The following TAS1R1 variants were observed in gnomAD, a reference collection of about 807,000 sequenced individuals.
The protein encoded by TAS1R1 is taste 1 receptor member 1.
A neutral mutation model predicts 45.8 loss-of-function variants in TAS1R1; 31 were observed. The observed-to-expected ratio is 0.68, with a 90% CI of 0.51 to 0.91. The LOEUF is 0.91. TAS1R1 is among the 40% of genes least tolerant of loss of function. TAS1R1 has a pLI of 0.00. For missense variants in TAS1R1, 1,051 were observed against 1,063.9 expected (o/e 0.99, Z 0.17); for synonymous variants, 437 against 448.4 (o/e 0.97, Z 0.32).
chr1:6,574,777 C>T lies in TAS1R1; in HGVS notation c.645C>T (p.Gly215=), dbSNP rs769586782. 1.1e-5 allele frequency: 17 copies of T among 1,614,156 alleles called. No homozygotes were observed. The highest frequency in any genetic ancestry group is 8.8e-5 in the South Asian group (8 of 91,094). The part of the protein sequence containing the change: ...KFGWTWISLV[G]SSDDYGQLGV... ...GGTGGACCTGGATCTCTCTGGTTGG[C>T]AGCAGTGACGACTATGGGCAGCTAG... Residue 215 remains glycine, a synonymous_variant, in exon 3 of 6, where the codon GGC becomes GGT. Transcript: ENST00000333172. This position sits in a 1 kb window ranked among gnomAD's most constrained non-coding sequence, Gnocchi z 4.3.
At chr1:6,557,739 A>T (rs1344693437) in intron 1 of TAS1R1, among the ~76,000 whole-genome samples, 1 of 152,128 alleles carries the variant, frequency 6.6e-6, no homozygotes, top group Non-Finnish European at 1.5e-5. Context: ...CAGCCATTAC[A>T]AAAAAGTTTT....
chr1:6,565,937 G>A (rs1253031040), intron 1 of TAS1R1, among the ~76,000 whole-genome samples: 1 of 152,158 alleles, frequency 6.6e-6, no homozygotes, highest in East Asian at 1.9e-4. Context: ...ACCCATGCCA[G>A]GGTCATGGCT....
chr1:6,570,022 G>GGA (rs1378331889), intron 1 of TAS1R1, among the ~76,000 whole-genome samples: 23 of 6,320 alleles, frequency 3.6e-3, no homozygotes, highest in East Asian at 0.027. Flanking sequence ...AGGGAGGGAG[G>GGA]GGGAGAGAGA....
chr1:6,566,967 A>T (rs1639883712), intron 1 of TAS1R1, among the ~76,000 whole-genome samples: 1 of 152,138 alleles, frequency 6.6e-6, no homozygotes, highest in African/African-American at 2.4e-5. Context: ...TATTGGGTTA[A>T]CAAGAGAGGT....
rs1553186697 is a variant in TAS1R1, at chr1:6,570,024, G to GAGAGAGA, written c.192-885_192-884insAGAGAGA. On this transcript the variant is annotated intron_variant, in intron 1 of 5. Coordinates refer to ENST00000333172, the MANE Select transcript of TAS1R1 (RefSeq NM_138697.4). ...GGAGGAGAGAGGGAGGGAGGGAGGG[G>GAGAGAGA]GAGAGAGAGAGAGAGAGAGAGAGAG... Among the ~76,000 whole-genome samples, 30 of 32,434 alleles carry GAGAGAGA rather than the reference G, an allele frequency of 9.2e-4. 1 individual carries two copies. Among genetic ancestry groups the GAGAGAGA allele is most frequent in the East Asian group, 5.2e-3 (6 of 1,146 alleles). 21.3% of individuals were successfully genotyped at this position (32,434 alleles called of 152,430 possible).
At chr1:6,571,697 G>C (rs923987753) in intron 2 of TAS1R1, among the ~76,000 whole-genome samples, 16 of 152,188 alleles carry the variant, frequency 1.1e-4, no homozygotes, top group African/African-American at 3.9e-4. Flanking sequence ...GTGTGTGCCT[G>C]TAATCCCAGC....
rs1467913436 is a variant in TAS1R1, at chr1:6,578,568, T to C, written c.1595-85T>C. ...GTATAGTCTAGCTGCCCTGGTACAATTCTCCCAGTATCTTGCAGGCCCCTA... is the reference window on the plus strand; with the variant it reads ...GTATAGTCTAGCTGCCCTGGTACAACTCTCCCAGTATCTTGCAGGCCCCTA... On this transcript the variant is annotated intron_variant, in intron 5 of 5. Transcript: ENST00000333172. 4.6e-6 allele frequency: 7 copies of C among 1,508,274 alleles called. No individual in the cohort carries two copies. The East Asian group carries it at 1.4e-4, about 30-fold the overall frequency. The allele number at this position is 1,508,274 out of a possible 1,614,324, so 93.4% of individuals were successfully genotyped here.
chr1:6,561,523 A>C (rs1438715396), intron 1 of TAS1R1, among the ~76,000 whole-genome samples: 1 of 152,130 alleles, frequency 6.6e-6, no homozygotes, highest in Non-Finnish European at 1.5e-5. Context: ...CATCCTGGCT[A>C]ATATGGTGAA....
At chr1:6,561,654 G>A (rs1639790555) in intron 1 of TAS1R1, among the ~76,000 whole-genome samples, 1 of 151,762 alleles carries the variant, frequency 6.6e-6, no homozygotes, top group African/African-American at 2.4e-5. Flanking sequence ...GGCGGAGCTT[G>A]CAGGGAGCCC....
At position 6,572,531 on chromosome 1, in the gene TAS1R1, G is replaced by C. The variant is rs534951522; in HGVS notation, c.498+1316G>C. The stretch of plus-strand genomic sequence containing the variant: ...CTGCCTTGGCCTCCCAAAGTGGTGA[G>C]ATTACAGGCATGAGGCACCGTGCCC... On this transcript the variant is annotated intron_variant, in intron 2 of 5. Transcript: ENST00000333172. Among the ~76,000 whole-genome samples the C allele has an allele frequency of 3.3e-4, 51 of 152,288 alleles. No individual in the cohort carries two copies. In the South Asian group the frequency reaches 0.011, roughly 32 times the overall value.
chr1:6,576,470 T>G lies in TAS1R1; in HGVS notation c.1316T>G (p.Phe439Cys), dbSNP rs1640175739. 6.2e-7 allele frequency: 1 copy of G among 1,614,076 alleles called. No homozygotes were observed. The highest frequency in any genetic ancestry group is 1.3e-5 in the African/African-American group (1 of 74,904). The stretch of plus-strand genomic sequence containing the variant: ...CTTCTACACAAGGACACTGTGGCGT[T>G]TAATGACAACAGAGATCCCCTCAGT... ...HFLLHKDTVA[F>C]NDNRDPLSSY... The change falls in exon 4 of 6, where the codon TTT becomes TGT. Residue 439 changes from phenylalanine (F) to cysteine (C), a missense_variant. Physicochemically the swap from Phe to Cys is radical, Grantham distance 205. Transcript: ENST00000333172.
At chr1:6,572,391 C>T (rs1387203634) in intron 2 of TAS1R1, among the ~76,000 whole-genome samples, 1 of 151,388 alleles carries the variant, frequency 6.6e-6, no homozygotes, top group South Asian at 2.1e-4. Flanking sequence ...TCCTAAGTAG[C>T]TGGGTCCACA....
At chr1:6,573,520 C>T (rs1037872381) in intron 2 of TAS1R1, among the ~76,000 whole-genome samples, 1 of 152,108 alleles carries the variant, frequency 6.6e-6, no homozygotes, top group South Asian at 2.1e-4. Flanking sequence ...TTAGGGACTC[C>T]CTGTGGCTTA....
At chr1:6,555,866 CTTTTT>C (rs770363613) in intron 1 of TAS1R1, among the ~76,000 whole-genome samples, 14 of 95,300 alleles carry the variant, frequency 1.5e-4, no homozygotes, top group South Asian at 3.8e-4. Context: ...TTTCCCTCTT[CTTTTT>C]TTTTTTTTTT....
chr1:6,573,404 C>T (rs1023264777), intron 2 of TAS1R1, among the ~76,000 whole-genome samples: 5 of 151,976 alleles, frequency 3.3e-5, no homozygotes, highest in Non-Finnish European at 5.9e-5. Context: ...TTGCAGTGAG[C>T]CAAGATCACG....
intron 4 of TAS1R1, 113 bp from the exon 5 acceptor site, chr1:6,576,837 C>T (rs1640192936): frequency 8.4e-6 from 13 of 1,550,674 alleles, no homozygotes; most frequent in Admixed American, 1.7e-5. Context: ...ACCAGGGGCC[C>T]TGCCCTGGGA....
intron 1 of TAS1R1, among the ~76,000 whole-genome samples, chr1:6,562,474 C>T (rs1256737063): frequency 2.6e-5 from 4 of 152,120 alleles, no homozygotes; most frequent in South Asian, 2.1e-4. Flanking sequence ...GCCCAGGCCA[C>T]GGGGGTTTTA....
rs867237165 is a variant in TAS1R1 at position 6,562,961 on chromosome 1, G to T, written c.191+7397G>T. Among the ~76,000 whole-genome samples the T allele has an allele frequency of 2.0e-5, 3 of 152,312 alleles. No individual in the cohort carries two copies. In the Middle Eastern group the frequency reaches 0.01, roughly 518 times the overall value. On this transcript the variant is annotated intron_variant, in intron 1 of 5. Transcript: ENST00000333172. Reference sequence around the variant, plus strand: ...GCAGGGATAATTGGAGAGGCTCCTCGTGTTTTATTCTCCCACTGGAGCAAG... The same window carrying T: ...GCAGGGATAATTGGAGAGGCTCCTCTTGTTTTATTCTCCCACTGGAGCAAG...
chr1:6,564,358 TGAGA>T, intron 1 of TAS1R1, among the ~76,000 whole-genome samples: 1 of 152,054 alleles, frequency 6.6e-6, no homozygotes, highest in African/African-American at 2.4e-5. Flanking sequence ...AGATGGTGGA[TGAGA>T]GAGAGTGTTG....
Sources: allele counts gnomAD v4.1 joint callset (sites outside exome capture counted in the v4.1 genomes callset), GRCh38; gene constraint gnomAD v4.1.1; non-coding constraint Gnocchi (gnomAD v3.1); transcripts MANE v1.5; gene names NCBI Gene and HGNC (gene_info 2026-07-23, HGNC 2026-07-21).